Variants in DLC1 observed in about 807,000 individuals in gnomAD.
DLC1 encodes rho GTPase-activating protein 7.
Under a neutral mutation model 140.3 loss-of-function variants are expected in DLC1, and 54 were observed. The ratio of observed to expected loss-of-function variants is 0.38; its 90% CI spans 0.31 to 0.48. The LOEUF (loss-of-function observed/expected upper bound fraction) is 0.48. Ranked by LOEUF, DLC1 falls within the 20% of genes least tolerant of loss-of-function variation. The probability of loss-of-function intolerance (pLI) is 0.96; values close to 1 mark genes in which losing one functional copy is unlikely to be tolerated. For missense variants in DLC1, 2,536 were observed against 1,907.0 expected, an observed-to-expected ratio of 1.33 and a Z score of -6.14; for synonymous variants, 986 against 728.1, an observed-to-expected ratio of 1.35 and a Z score of -5.70.
At chr8:13,562,457 C>T (rs1026164235) in intron 1 of DLC1, among the ~76,000 whole-genome samples, 4 of 152,132 alleles carry the variant, frequency 2.6e-5, no homozygotes, top group Non-Finnish European at 5.9e-5. Flanking sequence ...GGCCTTTATG[C>T]ACATGAAATG....
chr8:13,357,140 G>T (rs1230441870), intron 4 of DLC1, among the ~76,000 whole-genome samples: 1 of 152,222 alleles, frequency 6.6e-6, no homozygotes, highest in South Asian at 2.1e-4. Flanking sequence ...GCATGGTGAT[G>T]TGTGCCTGTA....
In DLC1 at chr8:13,600,251, T is replaced by G. The variant is rs1248547296; in HGVS notation, c.-126+4286A>C. Reference sequence around the variant, plus strand: ...TTTCTCAGATAGTCTTTTATTTAACTTATAAATTATCCCAAGGCATGGACT... The same window carrying G: ...TTTCTCAGATAGTCTTTTATTTAACGTATAAATTATCCCAAGGCATGGACT... On this transcript the variant is annotated intron_variant, in intron 1 of 1. Coordinates refer to the DLC1 transcript ENST00000631382. Among the ~76,000 whole-genome samples the G allele has an allele frequency of 2.6e-5, 4 of 152,048 alleles. No individual in the cohort carries two copies. The East Asian group carries it at 7.7e-4, about 29-fold the overall frequency.
chr8:13,459,531 G>A (rs2117016381), intron 2 of DLC1, among the ~76,000 whole-genome samples: 1 of 152,310 alleles, frequency 6.6e-6, no homozygotes, highest in African/African-American at 2.4e-5. Context: ...AGAGAAATAA[G>A]TATTGTCTCT....
intron 1 of DLC1, among the ~76,000 whole-genome samples, chr8:13,506,125 C>A (rs1190922137): frequency 6.6e-6 from 1 of 151,340 alleles, no homozygotes; most frequent in Non-Finnish European, 1.5e-5. Flanking sequence ...ATACATAAAG[C>A]AGTCCTTTGA....
At chr8:13,336,056 TTACAAA>T (rs1312046206) in intron 4 of DLC1, among the ~76,000 whole-genome samples, 1 of 152,140 alleles carries the variant, frequency 6.6e-6, no homozygotes, top group Non-Finnish European at 1.5e-5. Context: ...TTCAGAATCT[TTACAAA>T]AACTGGGCAG....
intron 5 of DLC1, among the ~76,000 whole-genome samples, chr8:13,231,284 T>C (rs1355914647): frequency 6.6e-6 from 1 of 152,178 alleles, no homozygotes; most frequent in Non-Finnish European, 1.5e-5. Context: ...TGCCATTTTA[T>C]GTTTAATGTT....
intron 1 of DLC1, among the ~76,000 whole-genome samples, chr8:13,511,782 G>A (rs1280901432): frequency 6.6e-6 from 1 of 151,916 alleles, no homozygotes; most frequent in Admixed American, 6.6e-5. Context: ...TGGTCATTTG[G>A]AACTTTGCCA....
rs375283099 is a variant in DLC1, at chr8:13,419,191, T to C, written c.1024-17572A>G. Among the ~76,000 whole-genome samples, 7 of 152,184 alleles carry C rather than the reference T, an allele frequency of 4.6e-5. 1 individual carries two copies. The South Asian group carries it at 1.0e-3, about 23-fold the overall frequency. On this transcript the variant is annotated intron_variant, in intron 2 of 17. Coordinates refer to ENST00000276297, the MANE Select transcript of DLC1 (RefSeq NM_182643.3). The stretch of plus-strand genomic sequence containing the variant: ...ACAATTTGACTTCCTGTTTTCCTAA[T>C]TGAATACCGTTTATTTCCTTCTCCT...
chr8:13,143,736 C>T (rs941741489), intron 5 of DLC1, among the ~76,000 whole-genome samples: 8 of 150,940 alleles, frequency 5.3e-5, no homozygotes, highest in African/African-American at 1.7e-4. Context: ...TTGGGATAAT[C>T]ATTCTGGCGT....
intron 1 of DLC1, among the ~76,000 whole-genome samples, chr8:13,556,765 A>C (rs1804060231): frequency 6.6e-6 from 1 of 152,214 alleles, no homozygotes; most frequent in Non-Finnish European, 1.5e-5. Context: ...TGGGAAAAAC[A>C]TATGCTTATT....
intron 1 of DLC1, among the ~76,000 whole-genome samples, chr8:13,601,505 G>GAA (rs979205223): frequency 6.6e-6 from 1 of 151,710 alleles, no homozygotes; most frequent in Non-Finnish European, 1.5e-5. Flanking sequence ...TTGATTTCTG[G>GAA]AAACATCATT....
chr8:13,503,887 T>A (rs1741970325), intron 1 of DLC1, among the ~76,000 whole-genome samples: 1 of 152,194 alleles, frequency 6.6e-6, no homozygotes, highest in Admixed American at 6.5e-5. Context: ...AATATCTATC[T>A]ATCTGTGGTA....
At chr8:13,566,692 T>G (rs183678474) in intron 1 of DLC1, among the ~76,000 whole-genome samples, 4 of 152,364 alleles carry the variant, frequency 2.6e-5, no homozygotes, top group Non-Finnish European at 5.9e-5. Context: ...TACTCGACTT[T>G]AGCACCAAAG....
intron 2 of DLC1, among the ~76,000 whole-genome samples, chr8:13,425,277 C>A (rs1001654646): frequency 6.6e-6 from 1 of 152,174 alleles, no homozygotes; most frequent in African/African-American, 2.4e-5. Context: ...AGTGTTGAAA[C>A]GTTGCCAGGA....
At chr8:13,115,331 G>C (rs1011833782) in intron 6 of DLC1, among the ~76,000 whole-genome samples, 13 of 152,126 alleles carry the variant, frequency 8.5e-5, no homozygotes, top group African/African-American at 3.1e-4. Flanking sequence ...AAGAAAGCAA[G>C]AAAATGATAG....
rs989659699 is a variant in DLC1 at position 13,514,605 on chromosome 8, G to T, written c.-129C>A. On this transcript the variant is annotated 5_prime_UTR_variant, in exon 1 of 18. Transcript: ENST00000276297. ...AAGATAGTCCATAGCGTCTTACCTAGACAACGAGGAGCTGAAACGCCAAGG... is the reference window on the plus strand; with the variant it reads ...AAGATAGTCCATAGCGTCTTACCTATACAACGAGGAGCTGAAACGCCAAGG... 2.5e-6 allele frequency: 1 copy of T among 398,362 alleles called. No individual in the cohort carries two copies. The highest frequency in any genetic ancestry group is 4.4e-6 in the Non-Finnish European group (1 of 226,022). 24.7% of individuals were successfully genotyped at this position (398,362 alleles called of 1,614,324 possible).
At chr8:13,437,934 A>G (rs1563346150) in intron 2 of DLC1, among the ~76,000 whole-genome samples, 1 of 151,982 alleles carries the variant, frequency 6.6e-6, no homozygotes, top group Non-Finnish European at 1.5e-5. Flanking sequence ...AAAACTGTCC[A>G]GGAAACTAAA....
intron 12 of DLC1, among the ~76,000 whole-genome samples, chr8:13,094,269 C>T (rs941191904): frequency 3.3e-5 from 5 of 152,198 alleles, no homozygotes; most frequent in African/African-American, 1.2e-4. Context: ...ATTTTCACAT[C>T]ATTCAATAAT....
intron 5 of DLC1, among the ~76,000 whole-genome samples, chr8:13,303,333 A>C (rs1832280500): frequency 6.6e-6 from 1 of 152,112 alleles, no homozygotes. Context: ...CTGAAAATTT[A>C]ATCTCTCGAT....
Sources: allele counts gnomAD v4.1 joint callset (sites outside exome capture counted in the v4.1 genomes callset), GRCh38; gene constraint gnomAD v4.1.1; transcripts MANE v1.5; gene names NCBI Gene and HGNC (gene_info 2026-07-23, HGNC 2026-07-21).